The following TIFA variants were observed in gnomAD, a reference collection of about 807,000 sequenced individuals.
TIFA encodes the protein TRAF-interacting protein with FHA domain-containing protein A.
For missense variants in TIFA, 186 were observed against 215.2 expected (o/e 0.86, Z 0.85); for synonymous variants, 75 against 79.2 (o/e 0.95, Z 0.28).
chr4:112,277,905 G>C lies in TIFA; in HGVS notation c.512C>G (p.Ser171Cys). ...CATTTCTGTCGGAGAACTGCTTTGGGAGGAGCAGAGCGAATAAGTGCCATA... is the reference window on the plus strand; with the variant it reads ...CATTTCTGTCGGAGAACTGCTTTGGCAGGAGCAGAGCGAATAAGTGCCATA... The part of the protein sequence containing the change: ...PEYGTYSLCS[S>C]QSSSPTEMDE... Residue 171 changes from serine (S) to cysteine (C), a missense_variant, in exon 2 of 2, where the codon TCC becomes TGC. By Grantham distance (112) the Ser-to-Cys change is moderately radical. Coordinates refer to ENST00000361717, the MANE Select transcript of TIFA (RefSeq NM_052864.3). 1 of 1,609,722 alleles carries C rather than the reference G, an allele frequency of 6.2e-7. No individual in the cohort carries two copies. Among genetic ancestry groups the C allele is most frequent in the South Asian group, 1.1e-5 (1 of 90,306 alleles).
At chr4:112,278,490 T>G in intron 1 of TIFA, 56 bp from the exon 2 acceptor site, 1 of 1,441,674 alleles carries the variant, frequency 6.9e-7, no homozygotes, top group Non-Finnish European at 9.3e-7. Context: ...CATTGAGAAC[T>G]TTGATTCTAA....
intron 1 of TIFA, among the ~76,000 whole-genome samples, chr4:112,279,759 C>G (rs1174480572): frequency 6.6e-6 from 1 of 152,026 alleles, no homozygotes; most frequent in Admixed American, 6.5e-5. Flanking sequence ...CTCCACCTCC[C>G]GGGTTCAAGC....
Sources: gnomAD v4.1 joint callset for allele counts (sites outside exome capture counted in the v4.1 genomes callset) on GRCh38, gnomAD v4.1.1 for gene constraint, MANE v1.5 for transcripts, NCBI Gene and HGNC (gene_info 2026-07-23, HGNC 2026-07-21) for gene names.